CHCHD3: variants seen among roughly 807,000 people sequenced by gnomAD.
CHCHD3 encodes coiled-coil-helix-coiled-coil-helix domain containing 3.
A neutral mutation model predicts 38.2 loss-of-function variants in CHCHD3; 20 were observed. That is an observed-to-expected ratio of 0.52 (90% CI 0.37 to 0.76). CHCHD3 has a LOEUF of 0.76. Ranked by LOEUF, CHCHD3 falls within the 30% of genes least tolerant of loss-of-function variation. The pLI is 0.00. For synonymous variants in CHCHD3, 82 were observed against 100.0 expected, an observed-to-expected ratio of 0.82 and a Z score of 1.07; for missense variants, 245 against 279.2, an observed-to-expected ratio of 0.88 and a Z score of 0.87.
At chr7:132,943,623 TTAAA>T (rs1319469719) in intron 4 of CHCHD3, among the ~76,000 whole-genome samples, 5 of 152,118 alleles carry the variant, frequency 3.3e-5, no homozygotes, top group Non-Finnish European at 5.9e-5. Flanking sequence ...CAGTGATGAC[TTAAA>T]TAAATTTTAA....
intron 5 of CHCHD3, among the ~76,000 whole-genome samples, chr7:132,884,984 G>A (rs1041798846): frequency 4.9e-4 from 75 of 152,322 alleles, no homozygotes; most frequent in African/African-American, 1.8e-3. Flanking sequence ...AGGTGCAGTG[G>A]CTCATGCCTG....
At chr7:133,002,182 A>G (rs907899241) in intron 3 of CHCHD3, among the ~76,000 whole-genome samples, 4 of 152,230 alleles carry the variant, frequency 2.6e-5, no homozygotes, top group African/African-American at 7.2e-5. Context: ...GAGAGAAAAG[A>G]GTTATCTGTA....
intron 4 of CHCHD3, among the ~76,000 whole-genome samples, chr7:132,886,342 T>C (rs1232204290): frequency 6.6e-6 from 1 of 152,066 alleles, no homozygotes; most frequent in East Asian, 1.9e-4. Context: ...TTAGTTATTG[T>C]ACTTTCAATT....
chr7:133,061,104 G>T (rs1261853330), intron 2 of CHCHD3, among the ~76,000 whole-genome samples: 1 of 152,078 alleles, frequency 6.6e-6, no homozygotes, highest in Non-Finnish European at 1.5e-5. Flanking sequence ...GACCTTGCTG[G>T]CTATGTAAGA....
At chr7:133,050,690 T>C (rs1814137644) in intron 2 of CHCHD3, among the ~76,000 whole-genome samples, 1 of 152,152 alleles carries the variant, frequency 6.6e-6, no homozygotes, top group Non-Finnish European at 1.5e-5. Context: ...AGCTTAACTG[T>C]CAAGGTTATT....
intron 3 of CHCHD3, 113 bp from the exon 4 acceptor site, chr7:132,975,399 T>C (rs1811737033): frequency 1.2e-6 from 1 of 833,748 alleles, no homozygotes; most frequent in Non-Finnish European, 1.9e-6. Flanking sequence ...GGTCAACAGC[T>C]GAAATCATCT....
intron 2 of CHCHD3, among the ~76,000 whole-genome samples, chr7:133,065,049 GA>G (rs1200436272): frequency 6.6e-6 from 1 of 152,140 alleles, no homozygotes; most frequent in Non-Finnish European, 1.5e-5. Flanking sequence ...AGATGTTAAT[GA>G]AAAGGTAAGT....
chr7:133,058,048 T>A (rs1351848871), intron 2 of CHCHD3, among the ~76,000 whole-genome samples: 1 of 152,084 alleles, frequency 6.6e-6, no homozygotes, highest in South Asian at 2.1e-4. Context: ...AGACAACATG[T>A]TATTAAGAAA....
intron 7 of CHCHD3, among the ~76,000 whole-genome samples, chr7:132,786,349 G>C (rs1199977387): frequency 6.6e-6 from 1 of 152,206 alleles, no homozygotes; most frequent in Non-Finnish European, 1.5e-5. Context: ...CCTTCCCAGA[G>C]GGGGAGAACG....
At chr7:133,008,616 C>G (rs1408706066) in intron 3 of CHCHD3, among the ~76,000 whole-genome samples, 2 of 151,920 alleles carry the variant, frequency 1.3e-5, no homozygotes, top group Non-Finnish European at 2.9e-5. Flanking sequence ...TATGAAATGT[C>G]TGAGACAAAT....
intron 2 of CHCHD3, among the ~76,000 whole-genome samples, chr7:133,033,971 T>C (rs1813576408): frequency 6.6e-6 from 1 of 152,232 alleles, no homozygotes; most frequent in South Asian, 2.1e-4. Context: ...CACAAGAATG[T>C]ACAGATGCCA....
intron 4 of CHCHD3, among the ~76,000 whole-genome samples, chr7:132,962,611 G>A (rs938693965): frequency 2.6e-5 from 4 of 152,170 alleles, no homozygotes; most frequent in Non-Finnish European, 4.4e-5. Context: ...TTGGATGCCT[G>A]CTGCATTTTG....
intron 5 of CHCHD3, among the ~76,000 whole-genome samples, chr7:132,873,746 A>G (rs1808826430): frequency 6.8e-6 from 1 of 148,114 alleles, no homozygotes; most frequent in Admixed American, 6.8e-5. Flanking sequence ...AAGATTGTGG[A>G]TAAAATTGAT....
chr7:132,920,382 A>G (rs1029627889), intron 4 of CHCHD3, among the ~76,000 whole-genome samples: 11 of 152,236 alleles, frequency 7.2e-5, no homozygotes, highest in Non-Finnish European at 1.5e-4. Context: ...GCTTAAACAA[A>G]CAAACAAAAC....
chr7:132,931,266 G>A (rs1489471552), intron 4 of CHCHD3, among the ~76,000 whole-genome samples: 3 of 152,144 alleles, frequency 2.0e-5, no homozygotes, highest in Admixed American at 6.6e-5. Context: ...AGGACCACAT[G>A]AGATAACATA....
intron 3 of CHCHD3, among the ~76,000 whole-genome samples, chr7:133,003,663 A>G (rs546547934): frequency 6.6e-6 from 1 of 152,076 alleles, no homozygotes; most frequent in Non-Finnish European, 1.5e-5. Context: ...TCAAATTTAC[A>G]CAGTCTTCTG....
chr7:132,964,958 T>C (rs1811420731), intron 4 of CHCHD3, among the ~76,000 whole-genome samples: 1 of 142,340 alleles, frequency 7.0e-6, no homozygotes, highest in Middle Eastern at 3.2e-3. Context: ...GCATTATGAT[T>C]GTGCATACAT....
chr7:132,995,301 A>C (rs1420810219), intron 3 of CHCHD3, among the ~76,000 whole-genome samples: 4 of 152,216 alleles, frequency 2.6e-5, no homozygotes, highest in Admixed American at 1.3e-4. Flanking sequence ...TCTAGGAATA[A>C]GTAAACACCC....
chr7:132,990,454 G>A (rs544200898), intron 3 of CHCHD3, among the ~76,000 whole-genome samples: 12 of 152,028 alleles, frequency 7.9e-5, no homozygotes, highest in Admixed American at 3.9e-4. Flanking sequence ...CGCAAACAGC[G>A]GCCCCATCCA....
Sources: gnomAD v4.1 joint callset for allele counts (sites outside exome capture counted in the v4.1 genomes callset) on GRCh38, gnomAD v4.1.1 for gene constraint, MANE v1.5 for transcripts, NCBI Gene and HGNC (gene_info 2026-07-23, HGNC 2026-07-21) for gene names.